Variants in LRFN5 observed in about 807,000 individuals in gnomAD.
LRFN5 encodes leucine-rich repeat and fibronectin type-III domain-containing protein 5.
In LRFN5, 24 loss-of-function variants were observed where a neutral mutation model predicts 45.6. The ratio of observed to expected loss-of-function variants is 0.53; its 90% CI spans 0.38 to 0.74. The LOEUF is 0.74. LRFN5 is among the 30% of genes least tolerant of loss of function. The probability of loss-of-function intolerance (pLI) is 0.00; values close to 1 mark genes in which losing one functional copy is unlikely to be tolerated. For synonymous variants in LRFN5, 340 were observed against 313.8 expected (o/e 1.08, Z -0.88); for missense variants, 776 against 861.5 (o/e 0.90, Z 1.24).
At chr14:41,768,989 G>A (rs551534236) in intron 2 of LRFN5, among the ~76,000 whole-genome samples, 53 of 151,968 alleles carry the variant, frequency 3.5e-4, no homozygotes, top group African/African-American at 1.3e-3. Flanking sequence ...TAAATTAGCA[G>A]TCCATTAGCG....
chr14:41,751,215 G>T (rs991732422), intron 1 of LRFN5, among the ~76,000 whole-genome samples: 1 of 152,026 alleles, frequency 6.6e-6, no homozygotes, highest in Non-Finnish European at 1.5e-5. Flanking sequence ...TGAGAACAGG[G>T]AGCCAAACCA....
chr14:41,734,322 A>ATATATATG (rs1471737733), intron 1 of LRFN5, among the ~76,000 whole-genome samples: 6 of 78,638 alleles, frequency 7.6e-5, no homozygotes, highest in Non-Finnish European at 1.3e-4. Context: ...GGTTTTATAT[A>ATATATATG]TATATATATA....
At chr14:41,608,825 G>A (rs1887610050) in intron 1 of LRFN5, among the ~76,000 whole-genome samples, 1 of 152,134 alleles carries the variant, frequency 6.6e-6, no homozygotes, top group Non-Finnish European at 1.5e-5. Flanking sequence ...TGAGAGCTAG[G>A]CGTGTGGAAC....
chr14:41,657,956 C>CAT (rs1034506180), intron 1 of LRFN5, among the ~76,000 whole-genome samples: 8 of 151,268 alleles, frequency 5.3e-5, no homozygotes, highest in Non-Finnish European at 8.9e-5. Flanking sequence ...TGACCTATGT[C>CAT]AACATTTTTT....
chr14:41,746,755 T>G (rs779297629), intron 1 of LRFN5, among the ~76,000 whole-genome samples: 2 of 151,854 alleles, frequency 1.3e-5, no homozygotes, highest in East Asian at 3.9e-4. Context: ...AAGAAAGAAA[T>G]AAAATTATCT....
At chr14:41,817,630 T>A (rs1241782) in intron 2 of LRFN5, among the ~76,000 whole-genome samples, 78,359 of 151,910 alleles carry the variant, frequency 0.52, 21,115 homozygotes, top group African/African-American at 0.63. Context: ...GCTAAATTCC[T>A]TCTTCTGAGA....
At chr14:41,843,829 G>T (rs1468593861) in intron 2 of LRFN5, among the ~76,000 whole-genome samples, 1 of 152,096 alleles carries the variant, frequency 6.6e-6, no homozygotes, top group Non-Finnish European at 1.5e-5. Context: ...AATCACAAAG[G>T]AAAGATAAAG....
intron 2 of LRFN5, among the ~76,000 whole-genome samples, chr14:41,788,339 C>T (rs1320712561): frequency 6.6e-6 from 1 of 151,012 alleles, no homozygotes; most frequent in Non-Finnish European, 1.5e-5. Context: ...CAGATTCATT[C>T]TCCTTGTTCC....
At chr14:41,667,663 A>G (rs981260070) in intron 1 of LRFN5, among the ~76,000 whole-genome samples, 1 of 152,090 alleles carries the variant, frequency 6.6e-6, no homozygotes, top group Non-Finnish European at 1.5e-5. Context: ...GTGTCAGCCT[A>G]TCCTGAATGG....
intron 1 of LRFN5, among the ~76,000 whole-genome samples, chr14:41,746,917 C>A (rs982047198): frequency 6.6e-6 from 1 of 151,606 alleles, no homozygotes. Flanking sequence ...TAATAATGAA[C>A]AGTATGAAAA....
chr14:41,862,910 G>T (rs1367252541), intron 2 of LRFN5, among the ~76,000 whole-genome samples: 6 of 142,626 alleles, frequency 4.2e-5, no homozygotes, highest in Non-Finnish European at 9.0e-5. Flanking sequence ...TGTGGTCAAG[G>T]CTGGAGTGCA....
chr14:41,896,013 TTTA>T (rs1032416970), intron 4 of LRFN5, among the ~76,000 whole-genome samples: 2 of 152,106 alleles, frequency 1.3e-5, no homozygotes, highest in African/African-American at 4.8e-5. Flanking sequence ...TCCAATAAAT[TTTA>T]TTATTTTATT....
intron 1 of LRFN5, among the ~76,000 whole-genome samples, chr14:41,673,858 T>C (rs10149052): frequency 0.61 from 85,406 of 138,980 alleles, 27,538 homozygotes; most frequent in East Asian, 0.98. Context: ...CTGAACCCCC[T>C]ACCTCCCTCC....
Position 41,788,554 on chromosome 14 carries a change from TA to T in LRFN5, c.-21+21535del, listed in dbSNP as rs35207832. 3.6e-3 allele frequency among the ~76,000 whole-genome samples: 543 copies of T among 150,108 alleles called. 5 individuals carry two copies. The highest frequency in any genetic ancestry group is 0.013 in the African/African-American group (520 of 40,988). Reference sequence around the variant, plus strand: ...GGATATAAATTTAAAAAATTATGTTTAAAAAAAAAAGATGTTCCATCTCCTC... The same window carrying T: ...GGATATAAATTTAAAAAATTATGTTTAAAAAAAAAGATGTTCCATCTCCTC... On this transcript the variant is annotated intron_variant, in intron 2 of 5. Coordinates refer to ENST00000298119, the MANE Select transcript of LRFN5 (RefSeq NM_152447.5).
chr14:41,691,298 A>G (rs1223577072), intron 1 of LRFN5, among the ~76,000 whole-genome samples: 2 of 152,112 alleles, frequency 1.3e-5, no homozygotes, highest in Non-Finnish European at 2.9e-5. Flanking sequence ...CTTATAATTT[A>G]AATTTTCATC....
chr14:41,877,160 A>G (rs1001497725), intron 2 of LRFN5, among the ~76,000 whole-genome samples: 2 of 152,182 alleles, frequency 1.3e-5, no homozygotes, highest in African/African-American at 4.8e-5. Context: ...TACGACTGTG[A>G]GAATATCGCT....
intron 2 of LRFN5, among the ~76,000 whole-genome samples, chr14:41,781,755 C>A (rs1886537568): frequency 6.6e-6 from 1 of 151,850 alleles, no homozygotes. Context: ...TTTTTATTTT[C>A]TTTGAGAAAG....
At chr14:41,885,122 T>A (rs188570678) in intron 2 of LRFN5, among the ~76,000 whole-genome samples, 171 of 149,088 alleles carry the variant, frequency 1.1e-3, no homozygotes, top group African/African-American at 4.2e-3. Flanking sequence ...GTCAAGAGGA[T>A]TGCTGAGTCC....
intron 2 of LRFN5, among the ~76,000 whole-genome samples, chr14:41,846,867 T>G (rs1594461391): frequency 6.6e-6 from 1 of 152,142 alleles, no homozygotes; most frequent in Non-Finnish European, 1.5e-5. Context: ...TAACTTCTCA[T>G]GTCACCCATA....
Sources: allele counts gnomAD v4.1 joint callset (sites outside exome capture counted in the v4.1 genomes callset), GRCh38; gene constraint gnomAD v4.1.1; transcripts MANE v1.5; gene names NCBI Gene and HGNC (gene_info 2026-07-23, HGNC 2026-07-21).